Variants in MDN1 observed in about 807,000 individuals in gnomAD.
The protein encoded by MDN1 is midasin AAA ATPase 1, also known as midasin.
Under a neutral mutation model 669.2 loss-of-function variants are expected in MDN1, and 266 were observed. The ratio of observed to expected loss-of-function variants is 0.40; its 90% CI spans 0.36 to 0.44. The LOEUF (loss-of-function observed/expected upper bound fraction) is 0.44, where lower values mean the gene tolerates loss of function less well. Ranked by LOEUF, MDN1 falls within the 20% of genes least tolerant of loss-of-function variation. MDN1 has a pLI of 1.00. For missense variants in MDN1, 5,940 were observed against 6,754.0 expected, an observed-to-expected ratio of 0.88 and a Z score of 4.22; for synonymous variants, 2,385 against 2,457.1, an observed-to-expected ratio of 0.97 and a Z score of 0.87.
Position 89,749,864 on chromosome 6 carries a change from T to A in MDN1, c.3407-113A>T, listed in dbSNP as rs1052344511. 5 of 847,442 alleles carry A rather than the reference T, an allele frequency of 5.9e-6. No homozygotes were observed. In the African/African-American group the frequency reaches 6.8e-5, roughly 12 times the overall value. 52.5% of individuals were successfully genotyped at this position (847,442 alleles called of 1,614,324 possible). On this transcript the variant is annotated intron_variant, in intron 24 of 101. Coordinates refer to ENST00000369393, the MANE Select transcript of MDN1 (RefSeq NM_014611.3). ...ATCATCAAATTTCAAAGCAAATTACTTTCTGTAGCTAGTCTTGCCTCAAAA... is the reference window on the plus strand; with the variant it reads ...ATCATCAAATTTCAAAGCAAATTACATTCTGTAGCTAGTCTTGCCTCAAAA...
At chr6:89,748,083 T>G (rs1201132546) in intron 26 of MDN1, among the ~76,000 whole-genome samples, 1 of 151,510 alleles carries the variant, frequency 6.6e-6, no homozygotes, top group Non-Finnish European at 1.5e-5. Flanking sequence ...TCCCAGCACT[T>G]TGGGAGGCCA....
chr6:89,789,056 G>T (rs558556579), intron 7 of MDN1, among the ~76,000 whole-genome samples: 2 of 152,168 alleles, frequency 1.3e-5, no homozygotes, highest in African/African-American at 4.8e-5. Flanking sequence ...CCCGGGAGAC[G>T]GAGGCTGCAG....
At chr6:89,794,236 G>A in intron 3 of MDN1, 29 bp from the exon 4 acceptor site, 1 of 1,264,376 alleles carries the variant, frequency 7.9e-7, no homozygotes, top group Non-Finnish European at 1.1e-6. Flanking sequence ...TGTAAATTCA[G>A]TTTATCTGCA....
chr6:89,771,411 C>T (rs887542650), intron 15 of MDN1, 150 bp downstream of exon 15: 20 of 657,252 alleles, frequency 3.0e-5, no homozygotes, highest in Non-Finnish European at 5.0e-5. Flanking sequence ...GGTACCCTGC[C>T]AAAAGCTCCA....
chr6:89,714,957 C>T (rs1814225703), intron 45 of MDN1, among the ~76,000 whole-genome samples: 1 of 152,126 alleles, frequency 6.6e-6, no homozygotes, highest in Non-Finnish European at 1.5e-5. Context: ...ATGATATATC[C>T]AGTGTACCTT....
chr6:89,786,924 C>CAAAAA (rs35077997), intron 8 of MDN1, among the ~76,000 whole-genome samples: 5 of 76,566 alleles, frequency 6.5e-5, no homozygotes, highest in Non-Finnish European at 7.2e-5. Flanking sequence ...GACTCCATCT[C>CAAAAA]AAAAAAAAAA....
intron 5 of MDN1, 40 bp downstream of exon 5, chr6:89,793,722 T>A: frequency 6.5e-7 from 1 of 1,545,774 alleles, no homozygotes; most frequent in South Asian, 1.2e-5. Flanking sequence ...CAGTGTTTAG[T>A]AGGGGGAAGG....
At position 89,675,572 on chromosome 6, in the gene MDN1, C is replaced by G. The variant is rs752025038; in HGVS notation, c.12653G>C (p.Gly4218Ala). ...AALATPAKEM[G>A]MGNVERCRGF... Reference sequence around the variant, plus strand: ...TCTGCACCTCTCCACGTTGCCCATGCCCATTTCCTGGCAGAAGAAGGAAAA... The same window carrying G: ...TCTGCACCTCTCCACGTTGCCCATGGCCATTTCCTGGCAGAAGAAGGAAAA... Residue 4218 changes from glycine to alanine, a missense_variant, in exon 78 of 102, where the codon GGC (glycine) becomes GCC (alanine). Physicochemically the swap from Gly to Ala is moderately conservative, Grantham distance 60. This residue lies in a region of MDN1 where 2,280 missense variants were observed against 2,576.3 expected (regional missense o/e 0.88). Transcript: ENST00000369393. 2 of 1,613,340 alleles carry G rather than the reference C, an allele frequency of 1.2e-6. No homozygotes were observed. Among genetic ancestry groups the G allele is most frequent in the Admixed American group, 3.3e-5 (2 of 59,954 alleles).
chr6:89,773,725 G>A (rs1359435730), intron 13 of MDN1, among the ~76,000 whole-genome samples: 2 of 151,916 alleles, frequency 1.3e-5, no homozygotes, highest in African/African-American at 4.8e-5. Context: ...AGCACTTTGG[G>A]AGGTCAAGGC....
chr6:89,712,139 C>T lies in MDN1; in HGVS notation c.7548G>A (p.Leu2516=). Residue 2516 remains leucine (L), a synonymous_variant, in exon 49 of 102, where the codon TTG becomes TTA. Transcript: ENST00000369393. ...NTYWIDEPDV[L]VMAVKLLIER... is the part of the protein sequence containing the mutation. ...CTATGAGCAATTTAACAGCCATGAC[C>T]AAAACATCTGGTTCATCGATCCAGT... The T allele has an allele frequency of 1.2e-6, 2 of 1,614,108 alleles. No individual in the cohort carries two copies. Among genetic ancestry groups the T allele is most frequent in the Non-Finnish European group, 1.7e-6 (2 of 1,179,984 alleles).
chr6:89,719,078 G>GAGCAGA, intron 41 of MDN1, 48 bp from the exon 42 acceptor site: 1 of 1,613,536 alleles, frequency 6.2e-7, no homozygotes, highest in South Asian at 1.1e-5. Flanking sequence ...CTGGTAGTGG[G>GAGCAGA]AGCAGAAGAA....
At chr6:89,730,407 T>C (rs746670647) in intron 35 of MDN1, among the ~76,000 whole-genome samples, 1 of 152,224 alleles carries the variant, frequency 6.6e-6, no homozygotes, top group Non-Finnish European at 1.5e-5. Flanking sequence ...TGCAAGCCAC[T>C]TAAAAGTTTA....
chr6:89,738,574 T>A, intron 32 of MDN1, 119 bp from the exon 33 acceptor site: 1 of 1,017,896 alleles, frequency 9.8e-7, no homozygotes. Flanking sequence ...CTTTTAAAAA[T>A]TATTTCTACT....
In MDN1 at chr6:89,758,179, C is replaced by T. The variant is rs549713611; in HGVS notation, c.2702+76G>A. 4.7e-4 allele frequency: 558 copies of T among 1,180,844 alleles called. 1 individual carries two copies. The African/African-American group carries it at 6.1e-3, about 13-fold the overall frequency. The allele number at this position is 1,180,844 out of a possible 1,614,324, so 73.1% of individuals were successfully genotyped here. ...GGACTTGCAGTGAGCCAAGATCACG[C>T]CACTGCACTCCAACCTGGGCAACAG... On this transcript the variant is annotated intron_variant, in intron 19 of 101. Coordinates refer to ENST00000369393, the MANE Select transcript of MDN1 (RefSeq NM_014611.3).
intron 62 of MDN1, among the ~76,000 whole-genome samples, 169 bp downstream of exon 62, chr6:89,693,905 C>T (rs1015746238): frequency 6.6e-6 from 1 of 152,224 alleles, no homozygotes; most frequent in Non-Finnish European, 1.5e-5. Flanking sequence ...GCCCCCCTCT[C>T]CTCCTTTCAC....
intron 1 of MDN1, among the ~76,000 whole-genome samples, chr6:89,804,187 G>T (rs887062728): frequency 6.6e-6 from 1 of 152,124 alleles, no homozygotes. Context: ...TGGGATTACA[G>T]GCGTGAGCCA....
At chr6:89,780,336 C>T in intron 10 of MDN1, 43 bp from the exon 11 acceptor site, 1 of 1,323,972 alleles carries the variant, frequency 7.6e-7, no homozygotes. Flanking sequence ...GAAAAGACCA[C>T]AGGCCAAAGA....
At chr6:89,774,498 T>C (rs1298555683) in intron 13 of MDN1, 123 bp downstream of exon 13, 10 of 665,482 alleles carry the variant, frequency 1.5e-5, no homozygotes, top group Non-Finnish European at 2.7e-5. Context: ...CCTTCCCATA[T>C]AGCATACTAC....
chr6:89,714,731 G>C lies in MDN1; in HGVS notation c.6881C>G (p.Pro2294Arg). The C allele has an allele frequency of 1.9e-6, 3 of 1,608,276 alleles. No individual in the cohort carries two copies. Residue 2294 changes from proline to arginine, a missense_variant, in exon 46 of 102, where the codon CCT becomes CGT. Physicochemically the swap from Pro to Arg is moderately radical, Grantham distance 103. This residue lies in a region of MDN1 where 2,292 missense variants were observed against 2,638.3 expected (regional missense o/e 0.87). Coordinates refer to ENST00000369393, the MANE Select transcript of MDN1 (RefSeq NM_014611.3). ...AGCTCGGGATATATCTCCATGAACA[G>C]GATCCATCGAGAGGAAAAGTCTAGA... ...PNFRLFLSMDPVHGDISRAMR... is the reference protein window; with the variant it reads ...PNFRLFLSMDRVHGDISRAMR...
Sources: allele counts gnomAD v4.1 joint callset (sites outside exome capture counted in the v4.1 genomes callset), GRCh38; gene constraint gnomAD v4.1.1; regional missense constraint gnomAD v4.1.1; transcripts MANE v1.5; gene names NCBI Gene and HGNC (gene_info 2026-07-23, HGNC 2026-07-21).